RBM10: variants seen among roughly 807,000 people sequenced by gnomAD.
RBM10 encodes RNA binding motif protein 10, also known as RNA-binding protein 10.
A neutral mutation model predicts 84.9 loss-of-function variants in RBM10; 1 was observed. The ratio of observed to expected loss-of-function variants is 0.01; its 90% CI spans 0.00 to 0.06. The LOEUF is 0.06. Among genes scored for constraint, RBM10 ranks in the 10% least tolerant of loss-of-function variants. The pLI is 1.00. For missense variants in RBM10, 438 were observed against 839.0 expected, an observed-to-expected ratio of 0.52 and a Z score of 5.90; for synonymous variants, 326 against 344.5, an observed-to-expected ratio of 0.95 and a Z score of 0.60.
chrX:47,167,615 C>T (rs1385863811), intron 2 of RBM10, among the ~76,000 whole-genome samples: 3 of 111,905 alleles, frequency 2.7e-5, no homozygotes, highest in African/African-American at 6.5e-5. Flanking sequence ...CTGCCCACCT[C>T]GGCCTCCCAG....
intron 1 of RBM10, 59 bp downstream of exon 1, chrX:47,145,544 G>A (rs1556761670): frequency 9.0e-7 from 1 of 1,117,054 alleles, no homozygotes; most frequent in Non-Finnish European, 1.2e-6. Context: ...GGGACGTAGA[G>A]GAGGCGCGAG....
chrX:47,157,264 C>T, intron 2 of RBM10: 1 of 316,983 alleles, frequency 3.2e-6, no homozygotes, highest in South Asian at 3.1e-5. Context: ...GGCCTCTGGA[C>T]CACGGTGTAG....
intron 4 of RBM10, 77 bp downstream of exon 4, chrX:47,171,335 C>T (rs1934653430): frequency 1.0e-5 from 12 of 1,167,160 alleles, no homozygotes; most frequent in African/African-American, 1.8e-5. Context: ...CCCACCCCTC[C>T]CTCACCTGCA....
intron 2 of RBM10, among the ~76,000 whole-genome samples, chrX:47,162,018 T>C (rs1933744728): frequency 9.0e-6 from 1 of 111,152 alleles, no homozygotes; most frequent in Admixed American, 9.6e-5. Flanking sequence ...AATTTTTGTA[T>C]TTTTAGTAGA....
chrX:47,170,474 T>A (rs1569184024), intron 3 of RBM10, among the ~76,000 whole-genome samples: 1 of 113,124 alleles, frequency 8.8e-6, no homozygotes, highest in East Asian at 2.8e-4. Context: ...GGTGGAGGAC[T>A]GGCCAAGGCT....
intron 22 of RBM10, 34 bp from the exon 23 acceptor site, chrX:47,186,224 G>T: frequency 8.3e-7 from 1 of 1,209,694 alleles, no homozygotes; most frequent in Non-Finnish European, 1.1e-6. Context: ...GGGGCCGGCA[G>T]GCCGACCACT....
At chrX:47,170,115 G>T (rs1934533315) in intron 3 of RBM10, among the ~76,000 whole-genome samples, 1 of 113,430 alleles carries the variant, frequency 8.8e-6, no homozygotes, top group Non-Finnish European at 1.9e-5. Context: ...CAGGGACCTG[G>T]TCCATGCGAG....
intron 5 of RBM10, among the ~76,000 whole-genome samples, chrX:47,174,660 T>C (rs948368361): frequency 5.4e-5 from 6 of 110,195 alleles, no homozygotes; most frequent in Admixed American, 1.9e-4. Flanking sequence ...TGGAGGCAGA[T>C]CTCTCGTATT....
chrX:47,176,710 C>CTGTG (rs1935177737), intron 7 of RBM10, 124 bp downstream of exon 7: 1 of 1,083,553 alleles, frequency 9.2e-7, no homozygotes, highest in African/African-American at 2.2e-5. Context: ...TCTCCTCTCC[C>CTGTG]TCTGTCTCTC....
At chrX:47,164,458 G>A (rs1934008427) in intron 2 of RBM10, among the ~76,000 whole-genome samples, 1 of 107,200 alleles carries the variant, frequency 9.3e-6, no homozygotes, top group African/African-American at 3.4e-5. Context: ...GGAGGCAGAG[G>A]TTGCAGTGAG....
Position 47,182,226 on chromosome X carries a change from C to G in RBM10, c.1850C>G (p.Pro617Arg), listed in dbSNP as rs2147198814. 8.3e-7 allele frequency: 1 copy of G among 1,212,058 alleles called. No homozygotes were observed. Among genetic ancestry groups the G allele is most frequent in the Non-Finnish European group, 1.1e-6 (1 of 895,584 alleles). The part of the protein sequence containing the change: ...YWDGERRTYV[P>R]ALEQSADGHK... ...GATGGGGAGAGGCGGACCTATGTTC[C>G]CGCCCTGGAGCAGTCGGCCGACGGA... The change falls in exon 17 of 24, where the codon CCC becomes CGC. Residue 617 changes from proline to arginine, a missense_variant. Transcript: ENST00000377604.
intron 8 of RBM10, 49 bp from the exon 9 acceptor site, chrX:47,179,270 C>T (rs370430388): frequency 8.4e-7 from 1 of 1,184,816 alleles, no homozygotes; most frequent in Admixed American, 2.4e-5. Flanking sequence ...GGTGACCAGT[C>T]GTGGAGCCTT....
At chrX:47,182,382 G>C (rs1280694542) in intron 17 of RBM10, 56 bp downstream of exon 17, 1 of 1,169,889 alleles carries the variant, frequency 8.5e-7, no homozygotes, top group Non-Finnish European at 1.1e-6. Flanking sequence ...TCCAGCAACG[G>C]CACTCTGTCA....
At chrX:47,166,500 G>A (rs192524726) in intron 2 of RBM10, among the ~76,000 whole-genome samples, 5 of 104,795 alleles carry the variant, frequency 4.8e-5, no homozygotes, top group East Asian at 2.9e-4. Flanking sequence ...ATGGAGTCTC[G>A]CTCTGTCACT....
rs373200898 is a variant in RBM10, at chrX:47,181,535, C to T, written c.1464C>T (p.Ala488=). The T allele has an allele frequency of 5.5e-5, 67 of 1,210,316 alleles. No homozygotes were observed. In the East Asian group the frequency reaches 1.0e-3, roughly 19 times the overall value. Residue 488 remains alanine (A), a synonymous_variant, in exon 14 of 24, where the codon GCC becomes GCT. Coordinates refer to ENST00000377604, the MANE Select transcript of RBM10 (RefSeq NM_005676.5). ...AGPEASLEPG[A]DSVSMQAFSR... ...CCGAGGCCTCCCTAGAGCCTGGGGCCGACTCTGTGTCGATGCAGGCTTTCT... is the reference window on the plus strand; with the variant it reads ...CCGAGGCCTCCCTAGAGCCTGGGGCTGACTCTGTGTCGATGCAGGCTTTCT...
chrX:47,175,120 C>G (rs1556775524), intron 6 of RBM10, 28 bp downstream of exon 6: 9 of 1,055,087 alleles, frequency 8.5e-6, no homozygotes, highest in East Asian at 3.8e-5. Flanking sequence ...GAACCCCCCC[C>G]CAAACAAATA....
At position 47,161,027 on chromosome X, in the gene RBM10, C is replaced by T. The variant is rs1362831012; in HGVS notation, c.18-8288C>T. On this transcript the variant is annotated intron_variant, in intron 2 of 23. Transcript: ENST00000377604. ...CTGGAGTGCAGTGGCGCGATCAGAG[C>T]TCACTGCAGCCTCTGTCTCCCTGGC... is the stretch of plus-strand genomic sequence containing the variant. Among the ~76,000 whole-genome samples the T allele has an allele frequency of 5.4e-5, 6 of 111,812 alleles. No individual in the cohort carries two copies. In the South Asian group the frequency reaches 1.1e-3, roughly 21 times the overall value.
chrX:47,179,045 T>C, intron 7 of RBM10, 58 bp from the exon 8 acceptor site: 1 of 1,184,231 alleles, frequency 8.4e-7, no homozygotes, highest in African/African-American at 1.8e-5. Context: ...TCATCCAAGT[T>C]TGGAGGGTGC....
chrX:47,146,922 G>A lies in RBM10; in HGVS notation c.-125-435G>A, dbSNP rs1408861970. 2.7e-5 allele frequency among the ~76,000 whole-genome samples: 3 copies of A among 111,510 alleles called. No homozygotes were observed. The East Asian group carries it at 8.6e-4, about 32-fold the overall frequency. On this transcript the variant is annotated intron_variant, in intron 1 of 23. Transcript: ENST00000377604. ...ATGAGATGGTCCCTTGGGGCCTGTG[G>A]AAGGAGCCTGGGGCCCCCATTGTTG...
Sources: gnomAD v4.1 joint callset for allele counts (sites outside exome capture counted in the v4.1 genomes callset) on GRCh38, gnomAD v4.1.1 for gene constraint, MANE v1.5 for transcripts, NCBI Gene and HGNC (gene_info 2026-07-23, HGNC 2026-07-21) for gene names.